The following KCNE1 variants were observed in gnomAD, a reference collection of about 807,000 sequenced individuals.
KCNE1 encodes potassium voltage-gated channel subfamily E regulatory subunit 1, also known as potassium voltage-gated channel subfamily E member 1.
A neutral mutation model predicts 2.9 loss-of-function variants in KCNE1; 1 was observed. That is an observed-to-expected ratio of 0.34 (90% CI 0.12 to 1.62). The LOEUF (loss-of-function observed/expected upper bound fraction) is 1.62. KCNE1 is among the 40% of genes most tolerant of loss of function. The probability of loss-of-function intolerance (pLI) is 0.36; values close to 1 mark genes in which losing one functional copy is unlikely to be tolerated. For missense variants in KCNE1, 45 were observed against 150.5 expected (o/e 0.30, Z 3.67); for synonymous variants, 23 against 65.4 (o/e 0.35, Z 3.13).
At chr21:34,507,238 G>GT (rs1983549435) in intron 2 of KCNE1, among the ~76,000 whole-genome samples, 1 of 152,126 alleles carries the variant, frequency 6.6e-6, no homozygotes, top group Non-Finnish European at 1.5e-5. Context: ...GAGTATGAGA[G>GT]TATTTCCTAA....
intron 2 of KCNE1, among the ~76,000 whole-genome samples, chr21:34,496,660 A>AAT (rs1445801188): frequency 2.0e-5 from 3 of 152,174 alleles, no homozygotes; most frequent in African/African-American, 7.2e-5. Flanking sequence ...ATGTTCTGTA[A>AAT]ATATCTGTTA....
intron 2 of KCNE1, among the ~76,000 whole-genome samples, chr21:34,504,000 C>T (rs1983322799): frequency 6.6e-6 from 1 of 152,230 alleles, no homozygotes; most frequent in Non-Finnish European, 1.5e-5. Context: ...CACCATCCCC[C>T]ATGTCCGGTC....
At chr21:34,497,602 C>T (rs548611697) in intron 2 of KCNE1, among the ~76,000 whole-genome samples, 6 of 152,278 alleles carry the variant, frequency 3.9e-5, no homozygotes, top group Admixed American at 2.6e-4. Context: ...TTTTGCCTCA[C>T]AGCTCTTAAG....
At position 34,449,692 on chromosome 21, in the gene KCNE1, GA is replaced by G; in HGVS notation, c.-50-9del. 1.4e-6 allele frequency: 1 copy of G among 699,150 alleles called. No homozygotes were observed. The highest frequency in any genetic ancestry group is 2.3e-6 in the Non-Finnish European group (1 of 444,124). The allele number at this position is 699,150 out of a possible 1,614,324, so 43.3% of individuals were successfully genotyped here. ...AACTTCCCAGGCACACCTCTTAAAG[GA>G]AAAATGCAACCCCAAATCAAAAAGT... On this transcript the variant is annotated splice_polypyrimidine_tract_variant and intron_variant, in intron 3 of 3. Coordinates refer to ENST00000399286, the MANE Select transcript of KCNE1 (RefSeq NM_000219.6).
In KCNE1 at chr21:34,498,383, C is replaced by T. The variant is rs546205698; in HGVS notation, c.-162+12718G>A. Among the ~76,000 whole-genome samples the T allele has an allele frequency of 1.3e-3, 191 of 152,334 alleles. 2 individuals are homozygous for T. The highest frequency in any genetic ancestry group is 0.01 in the Middle Eastern group (3 of 294). On this transcript the variant is annotated intron_variant, in intron 2 of 3. Transcript: ENST00000399286. ...AGGGCTGCTGTTCACATTCTTTTGT[C>T]CCACAGGTGACCCTTGATGTGGTGC... is the stretch of plus-strand genomic sequence containing the variant.
chr21:34,499,452 T>C (rs539478033), intron 2 of KCNE1, among the ~76,000 whole-genome samples: 6 of 152,298 alleles, frequency 3.9e-5, no homozygotes, highest in East Asian at 1.9e-4. Context: ...TTGCACCCAG[T>C]TGAAATTATT....
intron 2 of KCNE1, among the ~76,000 whole-genome samples, chr21:34,498,911 G>C (rs886856649): frequency 1.3e-5 from 2 of 152,184 alleles, no homozygotes; most frequent in South Asian, 2.1e-4. Context: ...ATTTGGCCAG[G>C]ATTAGTATTT....
chr21:34,502,643 TC>T, intron 2 of KCNE1, among the ~76,000 whole-genome samples: 1 of 152,180 alleles, frequency 6.6e-6, no homozygotes, highest in South Asian at 2.1e-4. Flanking sequence ...CTCACCTGAC[TC>T]CACCTGATGA....
intron 2 of KCNE1, among the ~76,000 whole-genome samples, chr21:34,507,146 G>A (rs1041503759): frequency 5.9e-5 from 9 of 152,198 alleles, no homozygotes; most frequent in Non-Finnish European, 7.3e-5. Context: ...TGACAGTAGC[G>A]TAGAGAAGGA....
chr21:34,502,275 T>C (rs1290909530), intron 2 of KCNE1, among the ~76,000 whole-genome samples: 2 of 152,196 alleles, frequency 1.3e-5, no homozygotes, highest in Non-Finnish European at 2.9e-5. Context: ...GGACTTCAAT[T>C]CATCTCTATA....
At chr21:34,501,268 T>C (rs1020207470) in intron 2 of KCNE1, among the ~76,000 whole-genome samples, 6 of 152,214 alleles carry the variant, frequency 3.9e-5, no homozygotes, top group Non-Finnish European at 7.3e-5. Flanking sequence ...TTATCCACTA[T>C]AGTAAGTTAC....
chr21:34,511,506 G>A (rs1323974372), intron 1 of KCNE1, among the ~76,000 whole-genome samples, 191 bp from the exon 2 acceptor site: 1 of 118,298 alleles, frequency 8.5e-6, no homozygotes, highest in Non-Finnish European at 1.6e-5. Flanking sequence ...CTTCCACCAT[G>A]TCATGGCAAG....
At chr21:34,499,935 T>C (rs1983065390) in intron 2 of KCNE1, among the ~76,000 whole-genome samples, 3 of 152,224 alleles carry the variant, frequency 2.0e-5, no homozygotes, top group African/African-American at 7.2e-5. Context: ...AGCTGAACAG[T>C]AGCCCTGTCT....
At chr21:34,511,883 A>G (rs1485551710) in intron 1 of KCNE1, 144 bp downstream of exon 1, 3 of 152,188 alleles carry the variant, frequency 2.0e-5, no homozygotes, top group Non-Finnish European at 4.4e-5. Context: ...GGGTTCAGAC[A>G]CACTTAAGCT....
At chr21:34,500,335 C>A (rs773510129) in intron 2 of KCNE1, among the ~76,000 whole-genome samples, 1 of 152,192 alleles carries the variant, frequency 6.6e-6, no homozygotes, top group Non-Finnish European at 1.5e-5. Context: ...ATTTGTAACA[C>A]TTTCTGTTCC....
chr21:34,503,776 CTT>C (rs1028257425), intron 2 of KCNE1, among the ~76,000 whole-genome samples: 2 of 152,204 alleles, frequency 1.3e-5, no homozygotes, highest in African/African-American at 4.8e-5. Flanking sequence ...AAGTTTCCTT[CTT>C]TTTTAGAAAC....
intron 2 of KCNE1, chr21:34,509,876 C>T (rs1434306432): frequency 6.6e-6 from 1 of 152,120 alleles, no homozygotes; most frequent in Admixed American, 6.5e-5. Flanking sequence ...AAACCTAGTA[C>T]CCAGTAGTTA....
intron 2 of KCNE1, chr21:34,509,924 C>T (rs547823953): frequency 3.3e-5 from 5 of 152,210 alleles, no homozygotes; most frequent in Admixed American, 1.3e-4. Flanking sequence ...ACCCTCCACT[C>T]TCAAGTAGCC....
chr21:34,508,896 T>G (rs2123533694), intron 2 of KCNE1, among the ~76,000 whole-genome samples: 1 of 152,346 alleles, frequency 6.6e-6, no homozygotes, highest in South Asian at 2.1e-4. Flanking sequence ...TGGTACAAAA[T>G]TAGCTGAGAA....
Sources: allele counts gnomAD v4.1 joint callset (sites outside exome capture counted in the v4.1 genomes callset), GRCh38; gene constraint gnomAD v4.1.1; transcripts MANE v1.5; gene names NCBI Gene and HGNC (gene_info 2026-07-23, HGNC 2026-07-21).